The following SLC25A21 variants were observed in gnomAD, a reference collection of about 807,000 sequenced individuals.
SLC25A21 encodes the protein solute carrier family 25 member 21.
Under a neutral mutation model 43.8 loss-of-function variants are expected in SLC25A21, and 47 were observed. That is an observed-to-expected ratio of 1.07 (90% CI 0.85 to 1.37). The LOEUF is 1.37. Among genes scored for constraint, SLC25A21 ranks in the 40% most tolerant of loss-of-function variants. The pLI is 0.00. For missense variants in SLC25A21, 352 were observed against 350.2 expected (o/e 1.00, Z -0.04); for synonymous variants, 131 against 121.3 (o/e 1.08, Z -0.52).
intron 1 of SLC25A21, among the ~76,000 whole-genome samples, chr14:36,975,013 C>T (rs1170934606): frequency 6.6e-6 from 1 of 152,194 alleles, no homozygotes; most frequent in African/African-American, 2.4e-5. Flanking sequence ...ATTTTTAAAG[C>T]ACTCAGTAGG....
intron 2 of SLC25A21, among the ~76,000 whole-genome samples, chr14:36,841,302 T>G (rs1432936245): frequency 6.6e-6 from 1 of 152,172 alleles, no homozygotes; most frequent in African/African-American, 2.4e-5. Context: ...TAGAAATAAA[T>G]CTGGAGCTTC....
At chr14:36,707,612 G>A (rs937311627) in intron 7 of SLC25A21, among the ~76,000 whole-genome samples, 1 of 152,236 alleles carries the variant, frequency 6.6e-6, no homozygotes, top group African/African-American at 2.4e-5. Flanking sequence ...ATCTAATAGA[G>A]AATTCATTTG....
Position 36,875,018 on chromosome 14 carries a change from A to T in SLC25A21, c.71-14T>A. 6.7e-7 allele frequency: 1 copy of T among 1,490,778 alleles called. No homozygotes were observed. Among genetic ancestry groups the T allele is most frequent in the Non-Finnish European group, 9.0e-7 (1 of 1,114,706 alleles). 92.3% of individuals were successfully genotyped at this position (1,490,778 alleles called of 1,614,324 possible). On this transcript the variant is annotated splice_polypyrimidine_tract_variant and intron_variant, in intron 1 of 9. Coordinates refer to ENST00000331299, the MANE Select transcript of SLC25A21 (RefSeq NM_030631.4). ...TTTCTACAAGACCTGAAAGATGATA[A>T]AGAAAATCCAATAAACACTTATGTA...
At chr14:36,870,159 A>C (rs1369418841) in intron 2 of SLC25A21, among the ~76,000 whole-genome samples, 1 of 152,214 alleles carries the variant, frequency 6.6e-6, no homozygotes, top group Non-Finnish European at 1.5e-5. Flanking sequence ...AGATGTAAGA[A>C]GGGGAAATGG....
intron 2 of SLC25A21, among the ~76,000 whole-genome samples, chr14:36,814,554 A>G (rs1032510156): frequency 3.3e-5 from 5 of 152,234 alleles, no homozygotes; most frequent in South Asian, 2.1e-4. Flanking sequence ...TAAGCGGCCA[A>G]CAAACATGAA....
chr14:37,136,189 A>G (rs1566906439), intron 1 of SLC25A21, among the ~76,000 whole-genome samples: 1 of 152,194 alleles, frequency 6.6e-6, no homozygotes. Context: ...TAGTTATCTT[A>G]GTATGTGCTA....
intron 3 of SLC25A21, among the ~76,000 whole-genome samples, chr14:36,764,401 GA>G (rs1368684260): frequency 6.6e-6 from 1 of 151,386 alleles, no homozygotes; most frequent in East Asian, 2.0e-4. Flanking sequence ...AAACCATGGA[GA>G]AAAAAAGCCA....
At chr14:37,077,117 T>C (rs1484378158) in intron 1 of SLC25A21, among the ~76,000 whole-genome samples, 2 of 152,210 alleles carry the variant, frequency 1.3e-5, no homozygotes, top group Non-Finnish European at 2.9e-5. Flanking sequence ...TTCAGCACTG[T>C]AGCACTGTAT....
At chr14:36,988,869 AGTCT>A (rs1960202508) in intron 1 of SLC25A21, among the ~76,000 whole-genome samples, 1 of 152,220 alleles carries the variant, frequency 6.6e-6, no homozygotes, top group Non-Finnish European at 1.5e-5. Flanking sequence ...TCAAGCTTGA[AGTCT>A]GTCAGTTACC....
chr14:36,855,878 T>C (rs532399719), intron 2 of SLC25A21, among the ~76,000 whole-genome samples: 1 of 152,322 alleles, frequency 6.6e-6, no homozygotes, highest in East Asian at 1.9e-4. Flanking sequence ...AGGGTGGTTT[T>C]GTTTCCCAGG....
At chr14:37,111,169 T>C (rs2138877649) in intron 1 of SLC25A21, among the ~76,000 whole-genome samples, 1 of 152,272 alleles carries the variant, frequency 6.6e-6, no homozygotes, top group African/African-American at 2.4e-5. Flanking sequence ...AGAATGAGAA[T>C]CCTTTTTTTA....
intron 2 of SLC25A21, among the ~76,000 whole-genome samples, chr14:36,861,593 C>T (rs1325530): frequency 0.1 from 15,241 of 152,242 alleles, 898 homozygotes; most frequent in South Asian, 0.2. Context: ...TTTTGAGACA[C>T]GCACCTGCTC....
chr14:36,957,479 G>A (rs912829129), intron 1 of SLC25A21, among the ~76,000 whole-genome samples: 2 of 152,190 alleles, frequency 1.3e-5, no homozygotes, highest in African/African-American at 4.8e-5. Flanking sequence ...TATAACATAA[G>A]TGGGTTGGGA....
chr14:36,788,355 G>C (rs948964379), intron 3 of SLC25A21, among the ~76,000 whole-genome samples: 8 of 151,664 alleles, frequency 5.3e-5, no homozygotes, highest in Non-Finnish European at 1.2e-4. Context: ...GGCTCTGATC[G>C]AAGGCATTAC....
intron 1 of SLC25A21, among the ~76,000 whole-genome samples, chr14:37,042,258 T>C (rs1217043317): frequency 2.0e-5 from 3 of 152,334 alleles, no homozygotes; most frequent in South Asian, 4.1e-4. Context: ...GCAAACTTTC[T>C]ATTTGGACTT....
At chr14:36,711,251 T>G (rs1883847149) in intron 7 of SLC25A21, 67 bp downstream of exon 7, 1 of 1,448,178 alleles carries the variant, frequency 6.9e-7, no homozygotes, top group African/African-American at 1.4e-5. Flanking sequence ...GGATAAACAT[T>G]CTACAAACGG....
chr14:37,046,876 C>G (rs556914519), intron 1 of SLC25A21, among the ~76,000 whole-genome samples: 2 of 152,146 alleles, frequency 1.3e-5, no homozygotes, highest in Admixed American at 1.3e-4. Context: ...ACTGTTTCTA[C>G]CCCACATAAC....
At chr14:37,051,749 G>C (rs1460915718) in intron 1 of SLC25A21, among the ~76,000 whole-genome samples, 1 of 152,208 alleles carries the variant, frequency 6.6e-6, no homozygotes, top group Non-Finnish European at 1.5e-5. Flanking sequence ...GGTAGTTGCT[G>C]TGGTCTTTGT....
At chr14:37,138,494 GATTT>G (rs1963520036) in intron 1 of SLC25A21, among the ~76,000 whole-genome samples, 1 of 152,094 alleles carries the variant, frequency 6.6e-6, no homozygotes, top group Non-Finnish European at 1.5e-5. Flanking sequence ...ATAGCAAAGT[GATTT>G]TTAGTATATA....
Sources: allele counts gnomAD v4.1 joint callset (sites outside exome capture counted in the v4.1 genomes callset), GRCh38; gene constraint gnomAD v4.1.1; transcripts MANE v1.5; gene names NCBI Gene and HGNC (gene_info 2026-07-23, HGNC 2026-07-21).